Variants in LSG1 observed in about 807,000 individuals in gnomAD.
LSG1 encodes the protein large 60S subunit nuclear export GTPase 1.
In LSG1, 55 loss-of-function variants were observed where a neutral mutation model predicts 82.6. The observed-to-expected ratio is 0.67, with a 90% confidence interval of 0.54 to 0.83. The LOEUF is 0.83. Ranked by LOEUF, LSG1 falls within the 40% of genes least tolerant of loss-of-function variation. The probability of loss-of-function intolerance (pLI) is 0.00; values close to 1 mark genes in which losing one functional copy is unlikely to be tolerated. For missense variants in LSG1, 809 were observed against 807.9 expected (o/e 1.00, Z -0.02); for synonymous variants, 272 against 282.5 (o/e 0.96, Z 0.37).
intron 7 of LSG1, among the ~76,000 whole-genome samples, chr3:194,653,962 A>G (rs1627672): frequency 0.61 from 93,313 of 152,150 alleles, 30,248 homozygotes; most frequent in East Asian, 0.87. Context: ...TGAACTCTTG[A>G]CAGTACGTTA....
chr3:194,666,325 T>G (rs1353176776), intron 3 of LSG1, 36 bp from the exon 4 acceptor site: 1 of 1,607,692 alleles, frequency 6.2e-7, no homozygotes, highest in Admixed American at 1.7e-5. Context: ...ATTCCTCATA[T>G]AAGTAACCAA....
At chr3:194,658,086 C>G (rs1718842609) in intron 7 of LSG1, among the ~76,000 whole-genome samples, 1 of 152,180 alleles carries the variant, frequency 6.6e-6, no homozygotes, top group South Asian at 2.1e-4. Context: ...GGGAAAAAGA[C>G]AGTACTTCCT....
In LSG1 at chr3:194,664,071, C is replaced by T. The variant is rs183567632; in HGVS notation, c.521+1486G>A. Reference sequence around the variant, plus strand: ...CACTGCAACCTCCACCTCCTGGATTCAAGTGATTCTCCTGCCTCAGCTTCC... The same window carrying T: ...CACTGCAACCTCCACCTCCTGGATTTAAGTGATTCTCCTGCCTCAGCTTCC... On this transcript the variant is annotated intron_variant, in intron 5 of 13. Coordinates refer to ENST00000265245, the MANE Select transcript of LSG1 (RefSeq NM_018385.3). 1.1e-4 allele frequency among the ~76,000 whole-genome samples: 17 copies of T among 152,226 alleles called. No homozygotes were observed. In the East Asian group the frequency reaches 3.1e-3, roughly 28 times the overall value.
intron 5 of LSG1, 65 bp downstream of exon 5, chr3:194,665,492 A>T: frequency 1.6e-6 from 2 of 1,222,656 alleles, no homozygotes; most frequent in South Asian, 2.6e-5. Flanking sequence ...AGCCTATATC[A>T]ACAGCCAAAT....
chr3:194,657,692 A>G (rs944524816), intron 7 of LSG1, among the ~76,000 whole-genome samples: 7 of 152,126 alleles, frequency 4.6e-5, no homozygotes, highest in African/African-American at 1.7e-4. Context: ...GAAGACAGGC[A>G]CCCAGGATGG....
At chr3:194,644,948 C>T (rs1460844816) in intron 12 of LSG1, 4 of 404,684 alleles carry the variant, frequency 9.9e-6, no homozygotes, top group East Asian at 7.2e-5. Flanking sequence ...TAGCTCTTCC[C>T]ATGGCGCCCC....
intron 7 of LSG1, among the ~76,000 whole-genome samples, chr3:194,655,450 A>G (rs2108618289): frequency 6.6e-6 from 1 of 152,358 alleles, no homozygotes; most frequent in East Asian, 1.9e-4. Flanking sequence ...AAGACTGGAA[A>G]CAATAGAAAT....
At chr3:194,648,642 GT>G (rs1452365929) in intron 11 of LSG1, 38 bp downstream of exon 11, 1 of 1,606,774 alleles carries the variant, frequency 6.2e-7, no homozygotes, top group Non-Finnish European at 8.5e-7. Context: ...TAGGTATACT[GT>G]TACTTTTGTT....
chr3:194,652,071 C>T (rs532876473), intron 8 of LSG1, among the ~76,000 whole-genome samples: 3 of 152,150 alleles, frequency 2.0e-5, no homozygotes, highest in Admixed American at 6.5e-5. Flanking sequence ...TTAAACATGC[C>T]ATGACCTCCT....
At chr3:194,644,915 A>G (rs1718488133) in intron 12 of LSG1, 169 bp from the exon 13 acceptor site, 3 of 464,676 alleles carry the variant, frequency 6.5e-6, no homozygotes. Flanking sequence ...TAATACATCA[A>G]TGGTCAAAGT....
Position 194,648,714 on chromosome 3 carries a change from G to C in LSG1, c.1510C>G (p.Pro504Ala). The change falls in exon 11 of 14, where the codon CCA becomes GCA. Residue 504 changes from proline (P) to alanine (A), a missense_variant. Physicochemically the swap from Pro to Ala is conservative, Grantham distance 27. Transcript: ENST00000265245. ...PREDEDPHRPPTSEELLTAYG... is the reference protein window; with the variant it reads ...PREDEDPHRPATSEELLTAYG... ...GCTGTCAACAGTTCTTCCGATGTTG[G>C]AGGTCGGTGGGGATCTTCATCCTCT... The C allele has an allele frequency of 1.9e-6, 3 of 1,614,046 alleles. No individual in the cohort carries two copies. Among genetic ancestry groups the C allele is most frequent in the Non-Finnish European group, 2.5e-6 (3 of 1,179,972 alleles).
At chr3:194,645,583 C>CACACACAGACAG (rs1718528850) in intron 12 of LSG1, among the ~76,000 whole-genome samples, 3 of 68,386 alleles carry the variant, frequency 4.4e-5, no homozygotes, top group East Asian at 3.1e-4. Context: ...CAGACACACA[C>CACACACAGACAG]ACACACACAC....
chr3:194,664,376 C>T (rs1265909865), intron 5 of LSG1, among the ~76,000 whole-genome samples: 1 of 152,104 alleles, frequency 6.6e-6, no homozygotes, highest in African/African-American at 2.4e-5. Flanking sequence ...AAAAAACCAG[C>T]CTGAAGGGTC....
intron 6 of LSG1, among the ~76,000 whole-genome samples, chr3:194,659,852 C>A (rs1718885434): frequency 6.6e-6 from 1 of 152,234 alleles, no homozygotes; most frequent in Admixed American, 6.5e-5. Context: ...CTAGAAAGCT[C>A]ATTTAAGTGT....
At chr3:194,665,438 C>A in intron 5 of LSG1, 119 bp downstream of exon 5, 1 of 604,222 alleles carries the variant, frequency 1.7e-6, no homozygotes, top group Non-Finnish European at 2.9e-6. Flanking sequence ...TTATAATTCT[C>A]AGTAACCCTC....
intron 1 of LSG1, 168 bp downstream of exon 1, chr3:194,671,896 G>T: frequency 1.5e-6 from 1 of 679,622 alleles, no homozygotes; most frequent in Non-Finnish European, 2.6e-6. Flanking sequence ...TGTGTTCTGG[G>T]CCTTGCCAGG....
chr3:194,661,265 A>C (rs1560227286), intron 5 of LSG1, among the ~76,000 whole-genome samples: 1 of 152,220 alleles, frequency 6.6e-6, no homozygotes, highest in African/African-American at 2.4e-5. Context: ...TCCTTCTTTA[A>C]GGTAATAATG....
At chr3:194,661,540 GAC>G (rs1369971973) in intron 5 of LSG1, among the ~76,000 whole-genome samples, 1 of 152,208 alleles carries the variant, frequency 6.6e-6, no homozygotes, top group Non-Finnish European at 1.5e-5. Context: ...CTGACTGGAA[GAC>G]AGTGTTCCGC....
chr3:194,660,875 A>G (rs1326191810), intron 5 of LSG1: 2 of 456,532 alleles, frequency 4.4e-6, no homozygotes, highest in Non-Finnish European at 8.8e-6. Flanking sequence ...TGGGGACTAC[A>G]GGTGTCCAGC....
Sources: allele counts gnomAD v4.1 joint callset (sites outside exome capture counted in the v4.1 genomes callset), GRCh38; gene constraint gnomAD v4.1.1; transcripts MANE v1.5; gene names NCBI Gene and HGNC (gene_info 2026-07-23, HGNC 2026-07-21).